Variants in CRADD observed in about 807,000 individuals in gnomAD.
The protein encoded by CRADD is CARD and death domain containing adaptor protein.
A neutral mutation model predicts 15.5 loss-of-function variants in CRADD; 9 were observed. The ratio of observed to expected loss-of-function variants is 0.58; its 90% CI spans 0.35 to 1.01. The LOEUF (loss-of-function observed/expected upper bound fraction) is 1.01, where lower values mean the gene tolerates loss of function less well. Among genes scored for constraint, CRADD ranks in the 50% least tolerant of loss-of-function variants. CRADD has a pLI of 0.02. For synonymous variants in CRADD, 118 were observed against 107.6 expected, an observed-to-expected ratio of 1.10 and a Z score of -0.60; for missense variants, 227 against 250.3, an observed-to-expected ratio of 0.91 and a Z score of 0.63.
In CRADD at chr12:93,843,968, C is replaced by T. The variant is rs139216640; in HGVS notation, c.299-6002C>T. Among the ~76,000 whole-genome samples, 281 of 152,194 alleles carry T rather than the reference C, an allele frequency of 1.8e-3. 2 individuals are homozygous for T. The highest frequency in any genetic ancestry group is 9.1e-3 in the East Asian group (47 of 5,164). On this transcript the variant is annotated intron_variant, in intron 2 of 2. Transcript: ENST00000332896. ...AACTCCTGACCTCAAGTGATTCACC[C>T]ACCTTGTCTTCCCAAAGTGCTGGGA...
intron 2 of CRADD, among the ~76,000 whole-genome samples, chr12:93,838,795 C>T (rs1454699688): frequency 6.6e-6 from 1 of 151,788 alleles, no homozygotes; most frequent in African/African-American, 2.4e-5. Context: ...GGCTCTTTCA[C>T]CCAAGCTGAA....
chr12:93,679,101 A>G (rs1444613752), intron 2 of CRADD, 29 bp downstream of exon 2: 2 of 1,564,706 alleles, frequency 1.3e-6, no homozygotes, highest in African/African-American at 1.4e-5. Context: ...ACTTTGAACC[A>G]GCTCCAAAAT....
At chr12:93,701,331 C>CAA (rs1399218657) in intron 2 of CRADD, among the ~76,000 whole-genome samples, 1 of 150,700 alleles carries the variant, frequency 6.6e-6, no homozygotes, top group African/African-American at 2.5e-5. Flanking sequence ...CACACACACA[C>CAA]AATCTGTAAG....
At chr12:93,829,413 G>A (rs1484710108) in intron 2 of CRADD, among the ~76,000 whole-genome samples, 2 of 152,146 alleles carry the variant, frequency 1.3e-5, no homozygotes, top group East Asian at 1.9e-4. Context: ...CTCAGTGACT[G>A]GGCTTTCTCA....
At chr12:93,689,632 A>G (rs1955520389) in intron 2 of CRADD, among the ~76,000 whole-genome samples, 1 of 152,204 alleles carries the variant, frequency 6.6e-6, no homozygotes, top group Admixed American at 6.5e-5. Flanking sequence ...GGAAATGTTC[A>G]TGTTCTATTT....
intron 2 of CRADD, among the ~76,000 whole-genome samples, chr12:93,720,440 A>T (rs1956239937): frequency 6.6e-6 from 1 of 152,180 alleles, no homozygotes; most frequent in Admixed American, 6.5e-5. Context: ...TCATTTACAT[A>T]CAATTGATTG....
At chr12:93,774,802 A>C (rs1034691445) in intron 2 of CRADD, among the ~76,000 whole-genome samples, 1 of 152,220 alleles carries the variant, frequency 6.6e-6, no homozygotes, top group African/African-American at 2.4e-5. Flanking sequence ...GGATGCAATG[A>C]TGAGCAAGAT....
At chr12:93,787,559 C>T (rs1957294429) in intron 2 of CRADD, among the ~76,000 whole-genome samples, 1 of 151,836 alleles carries the variant, frequency 6.6e-6, no homozygotes, top group South Asian at 2.1e-4. Context: ...GTTGTTTTTT[C>T]AAGTTCAGGG....
At chr12:93,792,438 T>A (rs184050568) in intron 2 of CRADD, among the ~76,000 whole-genome samples, 4 of 152,262 alleles carry the variant, frequency 2.6e-5, no homozygotes, top group African/African-American at 7.2e-5. Context: ...GTGCTCTTAG[T>A]GAATAGTTTG....
chr12:93,725,219 CT>C (rs1956337989), intron 2 of CRADD, among the ~76,000 whole-genome samples: 1 of 152,104 alleles, frequency 6.6e-6, no homozygotes, highest in African/African-American at 2.4e-5. Flanking sequence ...ACAATATTCC[CT>C]TTGCTTTTCC....
chr12:93,874,212 A>G (rs1037230514), intron 2 of CRADD, among the ~76,000 whole-genome samples: 4 of 151,800 alleles, frequency 2.6e-5, no homozygotes, highest in Non-Finnish European at 5.9e-5. Context: ...TTTCTTATAG[A>G]TTTTCCAATT....
intron 2 of CRADD, among the ~76,000 whole-genome samples, chr12:93,736,690 T>C (rs936759901): frequency 7.9e-5 from 12 of 152,228 alleles, no homozygotes; most frequent in Non-Finnish European, 1.6e-4. Flanking sequence ...GGTCTAATTA[T>C]GATATAGAGG....
chr12:93,678,908 A>G lies in CRADD; in HGVS notation c.134A>G (p.Asn45Ser), dbSNP rs376110613. 2.0e-4 allele frequency: 327 copies of G among 1,614,084 alleles called. No homozygotes were observed. The highest frequency in any genetic ancestry group is 2.6e-4 in the Non-Finnish European group (306 of 1,180,038). ...ACGGAAAACCATATTCAAGAAATCA[A>G]TGCTCAAACCACAGGCCTCCGGAAA... is the stretch of plus-strand genomic sequence containing the variant. ...ILTENHIQEI[N>S]AQTTGLRKTM... The change falls in exon 2 of 3, where the codon AAT (asparagine) becomes AGT (serine). Residue 45 changes from asparagine (N) to serine (S), a missense_variant. Transcript: ENST00000332896.
At chr12:93,852,799 T>C (rs1442592703), downstream of CRADD, among the ~76,000 whole-genome samples, 2 of 151,944 alleles carry the variant, frequency 1.3e-5, no homozygotes, top group Non-Finnish European at 2.9e-5. Context: ...AGAAAGTATA[T>C]GAATATATAG....
intron 2 of CRADD, among the ~76,000 whole-genome samples, chr12:93,746,993 A>G (rs1366794974): frequency 6.6e-6 from 1 of 152,140 alleles, no homozygotes; most frequent in Non-Finnish European, 1.5e-5. Flanking sequence ...TTCAGGCCAA[A>G]TGAGTTCAGG....
chr12:93,757,320 TA>T (rs1592964779), intron 2 of CRADD, among the ~76,000 whole-genome samples: 1 of 152,214 alleles, frequency 6.6e-6, no homozygotes, highest in East Asian at 1.9e-4. Context: ...TCTGGTAGGT[TA>T]TGTGTTCATT....
At chr12:93,736,196 G>A (rs1279606735) in intron 2 of CRADD, among the ~76,000 whole-genome samples, 1 of 152,130 alleles carries the variant, frequency 6.6e-6, no homozygotes, top group African/African-American at 2.4e-5. Flanking sequence ...TTAAAAAAGA[G>A]AGAGCCTCAA....
intron 2 of CRADD, among the ~76,000 whole-genome samples, chr12:93,696,134 TG>T (rs1955700079): frequency 6.6e-6 from 1 of 152,196 alleles, no homozygotes; most frequent in Non-Finnish European, 1.5e-5. Context: ...TTTGCATACT[TG>T]GTGAGAATGT....
chr12:93,711,166 C>A (rs934244756), intron 2 of CRADD, among the ~76,000 whole-genome samples: 2 of 150,910 alleles, frequency 1.3e-5, no homozygotes, highest in Non-Finnish European at 2.9e-5. Context: ...AGGGGGTCCT[C>A]AGCTCTTCTC....
Sources: allele counts gnomAD v4.1 joint callset (sites outside exome capture counted in the v4.1 genomes callset), GRCh38; gene constraint gnomAD v4.1.1; transcripts MANE v1.5; gene names NCBI Gene and HGNC (gene_info 2026-07-23, HGNC 2026-07-21).